Variants in BICD1 observed in about 807,000 individuals in gnomAD.
The protein encoded by BICD1 is protein bicaudal D homolog 1.
Under a neutral mutation model 92.5 loss-of-function variants are expected in BICD1, and 35 were observed. That is an observed-to-expected ratio of 0.38 (90% CI 0.29 to 0.50). BICD1 has a LOEUF of 0.50. BICD1 is among the 20% of genes least tolerant of loss of function. The pLI, the probability that BICD1 is intolerant of heterozygous loss-of-function variation, is 0.93. For synonymous variants in BICD1, 429 were observed against 465.1 expected (o/e 0.92, Z 1.00); for missense variants, 950 against 1,189.8 (o/e 0.80, Z 2.97).
At chr12:32,229,887 A>G (rs900474359) in intron 2 of BICD1, among the ~76,000 whole-genome samples, 2 of 152,208 alleles carry the variant, frequency 1.3e-5, no homozygotes, top group Admixed American at 1.3e-4. Context: ...GAAAGAGAAG[A>G]AAGCCTAGAG....
chr12:32,275,898 C>T (rs1236603483), intron 2 of BICD1, among the ~76,000 whole-genome samples: 1 of 152,142 alleles, frequency 6.6e-6, no homozygotes, highest in African/African-American at 2.4e-5. Context: ...AATAGCTCAT[C>T]GCATGGCCCA....
chr12:32,160,766 C>T (rs1013174201), intron 1 of BICD1, among the ~76,000 whole-genome samples: 8 of 151,868 alleles, frequency 5.3e-5, no homozygotes, highest in African/African-American at 1.9e-4. Flanking sequence ...ACTGTTGAAA[C>T]ATTTTTTATT....
At chr12:32,291,787 G>A (rs548512623) in intron 2 of BICD1, among the ~76,000 whole-genome samples, 181 of 152,202 alleles carry the variant, frequency 1.2e-3, no homozygotes, top group African/African-American at 4.0e-3. Context: ...GCAGTAAGCC[G>A]TGATCATGCC....
intron 2 of BICD1, among the ~76,000 whole-genome samples, chr12:32,265,772 G>A (rs1946979393): frequency 6.6e-6 from 1 of 151,102 alleles, no homozygotes; most frequent in Non-Finnish European, 1.5e-5. Context: ...ATTTTTCTGT[G>A]TTGAAGAGCT....
At chr12:32,182,274 C>CTTTATTTTTTTTTTTT (rs1944292915) in intron 1 of BICD1, among the ~76,000 whole-genome samples, 1 of 84,996 alleles carries the variant, frequency 1.2e-5, no homozygotes, top group Non-Finnish European at 2.6e-5. Flanking sequence ...TTCTTTCTTT[C>CTTTATTTTTTTTTTTT]TTTCTTTTTT....
chr12:32,371,944 A>G (rs901715771), intron 9 of BICD1, among the ~76,000 whole-genome samples: 2 of 152,180 alleles, frequency 1.3e-5, no homozygotes, highest in African/African-American at 2.4e-5. Flanking sequence ...TGACTTGTTC[A>G]AGGTCACATA....
intron 6 of BICD1, among the ~76,000 whole-genome samples, chr12:32,336,959 A>C (rs1056794419): frequency 7.2e-5 from 11 of 152,116 alleles, no homozygotes; most frequent in African/African-American, 2.4e-4. Context: ...AAAAAATAAT[A>C]ATGACTGGGC....
intron 2 of BICD1, among the ~76,000 whole-genome samples, chr12:32,219,618 C>CTT (rs140136467): frequency 0.011 from 1,677 of 152,182 alleles, 33 homozygotes; most frequent in African/African-American, 0.038. Flanking sequence ...ATAAATATCT[C>CTT]TGAATTTATC....
chr12:32,137,019 G>A (rs953859935), intron 1 of BICD1, among the ~76,000 whole-genome samples: 2 of 152,144 alleles, frequency 1.3e-5, no homozygotes, highest in African/African-American at 4.8e-5. Flanking sequence ...ACACTGTTTT[G>A]GTTTAGCATG....
At chr12:32,348,968 CAG>C (rs1397787541) in intron 8 of BICD1, among the ~76,000 whole-genome samples, 2 of 152,000 alleles carry the variant, frequency 1.3e-5, no homozygotes, top group Non-Finnish European at 2.9e-5. Context: ...ACCCTCAAGA[CAG>C]AGAATAGCCC....
At chr12:32,216,592 T>C in intron 2 of BICD1, 133 bp downstream of exon 2, 1 of 851,574 alleles carries the variant, frequency 1.2e-6, no homozygotes. Context: ...AATACTGAGC[T>C]AGCAACTTTT....
At chr12:32,168,699 G>T (rs1010224154) in intron 1 of BICD1, among the ~76,000 whole-genome samples, 3 of 152,192 alleles carry the variant, frequency 2.0e-5, no homozygotes, top group Admixed American at 6.5e-5. Context: ...GCCAGGCACG[G>T]TGGCTCACTC....
chr12:32,214,014 G>C (rs902025125), intron 1 of BICD1, among the ~76,000 whole-genome samples: 3 of 152,024 alleles, frequency 2.0e-5, no homozygotes, highest in Admixed American at 2.0e-4. Context: ...CTACTGTAAG[G>C]AAGAGCTGTT....
chr12:32,228,581 A>G (rs971127509), intron 2 of BICD1, among the ~76,000 whole-genome samples: 1 of 152,248 alleles, frequency 6.6e-6, no homozygotes, highest in African/African-American at 2.4e-5. Context: ...AGGTTACTGC[A>G]GTCATCCAGA....
intron 1 of BICD1, among the ~76,000 whole-genome samples, chr12:32,162,022 G>A (rs563119078): frequency 7.2e-5 from 11 of 152,228 alleles, no homozygotes; most frequent in African/African-American, 2.4e-4. Flanking sequence ...TACCATACCC[G>A]TCAGCACCCA....
intron 1 of BICD1, among the ~76,000 whole-genome samples, chr12:32,187,107 C>G (rs1298839614): frequency 6.6e-6 from 1 of 152,122 alleles, no homozygotes; most frequent in African/African-American, 2.4e-5. Context: ...GACTTTAGGT[C>G]AGGTCTTTTC....
intron 2 of BICD1, among the ~76,000 whole-genome samples, chr12:32,237,541 G>C (rs1188662492): frequency 1.3e-5 from 2 of 152,136 alleles, no homozygotes; most frequent in Non-Finnish European, 2.9e-5. Flanking sequence ...TTTGTCCCTT[G>C]GGCTCTTGTT....
At chr12:32,330,894 G>A (rs553143973) in intron 5 of BICD1, among the ~76,000 whole-genome samples, 3 of 152,316 alleles carry the variant, frequency 2.0e-5, no homozygotes, top group South Asian at 4.1e-4. Flanking sequence ...CAGCACTTTG[G>A]GAGGCCAAGG....
At chr12:32,259,924 C>T (rs1237682941) in intron 2 of BICD1, among the ~76,000 whole-genome samples, 7 of 140,902 alleles carry the variant, frequency 5.0e-5, no homozygotes, top group Middle Eastern at 3.8e-3. Flanking sequence ...ACACTACACA[C>T]TTTTTTTTTT....
Sources: gnomAD v4.1 joint callset for allele counts (sites outside exome capture counted in the v4.1 genomes callset) on GRCh38, gnomAD v4.1.1 for gene constraint, MANE v1.5 for transcripts, NCBI Gene and HGNC (gene_info 2026-07-23, HGNC 2026-07-21) for gene names.